Variants in MEOX1 observed in about 807,000 individuals in gnomAD.
MEOX1 encodes the protein mesenchyme homeobox 1.
MEOX1 carries 17 observed loss-of-function variants against 23.2 expected under a neutral mutation model. The ratio of observed to expected loss-of-function variants is 0.73; its 90% confidence interval spans 0.50 to 1.10. MEOX1 has a LOEUF of 1.10. Ranked by LOEUF, MEOX1 falls within the 50% of genes least tolerant of loss-of-function variation. MEOX1 has a pLI of 0.00. For missense variants in MEOX1, 333 were observed against 332.2 expected (o/e 1.00, Z -0.02); for synonymous variants, 134 against 135.1 (o/e 0.99, Z 0.06).
rs1370956108 is a variant in MEOX1 at position 43,643,646 on chromosome 17, T to C, written c.484A>G (p.Arg162Gly). The C allele has an allele frequency of 2.5e-6, 4 of 1,613,082 alleles. No individual in the cohort carries two copies. The African/African-American group carries it at 5.3e-5, about 22-fold the overall frequency. ...RKESSDNQEN[R>G]GKPEGSSKAR... ...TTGCTGCTGCCCTCCGGCTTCCCTC[T>C]GTTCTCCTGGTTGTCTGGGGAGAGA... Residue 162 changes from arginine (R) to glycine (G), a missense_variant, in exon 2 of 3, where the codon AGA (arginine) becomes GGA (glycine). Physicochemically the swap from Arg to Gly is moderately radical, Grantham distance 125. Transcript: ENST00000318579.
chr17:43,652,358 C>T (rs1972933715), intron 1 of MEOX1, among the ~76,000 whole-genome samples: 1 of 152,130 alleles, frequency 6.6e-6, no homozygotes, highest in Non-Finnish European at 1.5e-5. Flanking sequence ...GAGCTCAGGA[C>T]ACTTTGGCCT....
Sources: gnomAD v4.1 joint callset for allele counts (sites outside exome capture counted in the v4.1 genomes callset) on GRCh38, gnomAD v4.1.1 for gene constraint, MANE v1.5 for transcripts, NCBI Gene and HGNC (gene_info 2026-07-23, HGNC 2026-07-21) for gene names.